Variants in JAKMIP1 observed in about 807,000 individuals in gnomAD.
JAKMIP1 encodes the protein janus kinase and microtubule interacting protein 1, also known as janus kinase and microtubule-interacting protein 1.
JAKMIP1 carries 33 observed loss-of-function variants against 113.0 expected under a neutral mutation model. That is an observed-to-expected ratio of 0.29 (90% CI 0.22 to 0.39). The LOEUF (loss-of-function observed/expected upper bound fraction) is 0.39. Among genes scored for constraint, JAKMIP1 ranks in the 10% least tolerant of loss-of-function variants. The pLI is 1.00. For synonymous variants in JAKMIP1, 480 were observed against 459.9 expected (o/e 1.04, Z -0.56); for missense variants, 813 against 1,080.5 (o/e 0.75, Z 3.47).
At chr4:6,038,440 G>A (rs905495229) in intron 18 of JAKMIP1, among the ~76,000 whole-genome samples, 7 of 141,892 alleles carry the variant, frequency 4.9e-5, no homozygotes, top group South Asian at 2.2e-4. Context: ...CTCCATCACC[G>A]AGGCAGAGGC....
chr4:6,091,413 C>G (rs967736727), intron 3 of JAKMIP1, among the ~76,000 whole-genome samples: 6 of 152,222 alleles, frequency 3.9e-5, no homozygotes, highest in African/African-American at 1.4e-4. Context: ...AACAGAAGAA[C>G]ACATTTTACA....
At position 6,153,103 on chromosome 4, in the gene JAKMIP1, C is replaced by G. The variant is rs1721807876; in HGVS notation, c.-147-40106G>C. ...ATGCACATCCCCCTCCCCTACCTGC[C>G]TGAAGACTACACAGGCAGATTCACA... On this transcript the variant is annotated intron_variant, in intron 1 of 20. Coordinates refer to ENST00000409021, the MANE Select transcript of JAKMIP1 (RefSeq NM_001099433.2). This position sits in a 1 kb window ranked among gnomAD's most constrained non-coding sequence, Gnocchi z 4.9. Among the ~76,000 whole-genome samples the G allele has an allele frequency of 6.6e-6, 1 of 152,174 alleles. No individual in the cohort carries two copies. The highest frequency in any genetic ancestry group is 1.5e-5 in the Non-Finnish European group (1 of 68,032).
At chr4:6,087,693 G>T (rs937930090) in intron 3 of JAKMIP1, among the ~76,000 whole-genome samples, 5 of 152,126 alleles carry the variant, frequency 3.3e-5, no homozygotes, top group African/African-American at 1.2e-4. Context: ...AACAAAAAAC[G>T]TGCCAGAGGT....
intron 1 of JAKMIP1, among the ~76,000 whole-genome samples, chr4:6,146,344 G>A (rs1720844415): frequency 6.6e-6 from 1 of 152,136 alleles, no homozygotes; most frequent in South Asian, 2.1e-4. Flanking sequence ...CCAGGCTAGA[G>A]AGCAGTGGCA....
intron 3 of JAKMIP1, among the ~76,000 whole-genome samples, chr4:6,104,949 A>C (rs943811990): frequency 6.6e-6 from 1 of 152,148 alleles, no homozygotes; most frequent in Non-Finnish European, 1.5e-5. Flanking sequence ...GAATCCACAA[A>C]TGCCCCAAGG....
At position 6,050,596 on chromosome 4, in the gene JAKMIP1, A is replaced by G. The variant is rs1054883052; in HGVS notation, c.1890T>C (p.Cys630=). ...ACGCTACCTTAACTCCTTCCTGGTG[A>G]CAGAACAGCTGGAGAGCGCTGCTGT... ...ENHSSALQLF[C]HQEGVKDVNV... is the part of the protein sequence containing the mutation. Residue 630 remains cysteine, a synonymous_variant, in exon 14 of 21, where the codon TGT becomes TGC. Transcript: ENST00000409021. This position sits in a 1 kb window ranked among gnomAD's most constrained non-coding sequence, Gnocchi z 7.4. 25 of 1,572,492 alleles carry G rather than the reference A, an allele frequency of 1.6e-5. No homozygotes were observed. The Admixed American group carries it at 4.5e-4, about 28-fold the overall frequency.
intron 3 of JAKMIP1, among the ~76,000 whole-genome samples, chr4:6,099,227 C>T (rs1204330079): frequency 6.6e-6 from 1 of 152,216 alleles, no homozygotes; most frequent in Non-Finnish European, 1.5e-5. Context: ...ACTGATATGA[C>T]TCCTTTAATT....
chr4:6,081,887 T>C lies in JAKMIP1; in HGVS notation c.955-132A>G. 1 of 992,076 alleles carries C rather than the reference T, an allele frequency of 1.0e-6. No individual in the cohort carries two copies. The highest frequency in any genetic ancestry group is 1.5e-6 in the Non-Finnish European group (1 of 676,188). 61.5% of individuals were successfully genotyped at this position (992,076 alleles called of 1,614,324 possible). ...GCCAGTGTCCTGGATGACACATTTG[T>C]TTGCTAGTTGCATGACAATGGGCAA... On this transcript the variant is annotated intron_variant, in intron 5 of 20. Coordinates refer to ENST00000409021, the MANE Select transcript of JAKMIP1 (RefSeq NM_001099433.2). The surrounding 1 kb of genome is among the most constrained non-coding windows in gnomAD (Gnocchi z 4.6).
chr4:6,034,099 G>A (rs1298717411), intron 19 of JAKMIP1, among the ~76,000 whole-genome samples: 1 of 103,158 alleles, frequency 9.7e-6, no homozygotes, highest in Non-Finnish European at 1.9e-5. Context: ...TTTTAGTGAG[G>A]CTCATTACAA....
intron 1 of JAKMIP1, among the ~76,000 whole-genome samples, chr4:6,190,874 C>A (rs962740098): frequency 6.6e-6 from 1 of 152,180 alleles, no homozygotes; most frequent in African/African-American, 2.4e-5. Context: ...CCTCCTGGGT[C>A]TGACAGAAAG....
chr4:6,199,254 G>A lies in JAKMIP1; in HGVS notation c.-148+999C>T, dbSNP rs1384198828. Among the ~76,000 whole-genome samples, 1 of 152,258 alleles carries A rather than the reference G, an allele frequency of 6.6e-6. No individual in the cohort carries two copies. Among genetic ancestry groups the A allele is most frequent in the Non-Finnish European group, 1.5e-5 (1 of 68,042 alleles). The stretch of plus-strand genomic sequence containing the variant: ...AGCTCAGAGAGCCGGGCAGAGGCTG[G>A]CGGAGAGCCGAGGCTGGCCCAGCCT... On this transcript the variant is annotated intron_variant, in intron 1 of 20. Coordinates refer to ENST00000409021, the MANE Select transcript of JAKMIP1 (RefSeq NM_001099433.2). The surrounding 1 kb of genome is among the most constrained non-coding windows in gnomAD (Gnocchi z 5.6).
Position 6,139,343 on chromosome 4 carries a change from A to G in JAKMIP1, c.-147-26346T>C, listed in dbSNP as rs570454178. 6.1e-4 allele frequency among the ~76,000 whole-genome samples: 93 copies of G among 152,308 alleles called. 1 individual carries two copies. The highest frequency in any genetic ancestry group is 2.1e-3 in the African/African-American group (88 of 41,528). ...TTTAAATTGTGTCACTCCCAAATTCATACGCTGAGGTCCTAACCCCCAGTA... is the reference window on the plus strand; with the variant it reads ...TTTAAATTGTGTCACTCCCAAATTCGTACGCTGAGGTCCTAACCCCCAGTA... On this transcript the variant is annotated intron_variant, in intron 1 of 20. Coordinates refer to ENST00000409021, the MANE Select transcript of JAKMIP1 (RefSeq NM_001099433.2). This position sits in a 1 kb window ranked among gnomAD's most constrained non-coding sequence, Gnocchi z 5.2.
rs908174660 is a variant in JAKMIP1 at position 6,197,131 on chromosome 4, C to T, written c.-148+3122G>A. Among the ~76,000 whole-genome samples the T allele has an allele frequency of 7.9e-5, 12 of 152,174 alleles. No individual in the cohort carries two copies. The highest frequency in any genetic ancestry group is 1.6e-4 in the Non-Finnish European group (11 of 68,034). ...GCGGGAGGTTAAGTGCTGATATTTC[C>T]TTACGTGGCCCTCATTCCCCTTATC... On this transcript the variant is annotated intron_variant, in intron 1 of 20. Coordinates refer to ENST00000409021, the MANE Select transcript of JAKMIP1 (RefSeq NM_001099433.2). This position sits in a 1 kb window ranked among gnomAD's most constrained non-coding sequence, Gnocchi z 6.5.
intron 1 of JAKMIP1, among the ~76,000 whole-genome samples, chr4:6,122,740 G>A (rs1716885988): frequency 6.6e-6 from 1 of 152,202 alleles, no homozygotes; most frequent in South Asian, 2.1e-4. Flanking sequence ...ATGTGATATG[G>A]AGGTCAGGGA....
At position 6,193,977 on chromosome 4, in the gene JAKMIP1, A is replaced by G. The variant is rs1449233343; in HGVS notation, c.-148+6276T>C. Among the ~76,000 whole-genome samples, 1 of 152,230 alleles carries G rather than the reference A, an allele frequency of 6.6e-6. No homozygotes were observed. The highest frequency in any genetic ancestry group is 1.5e-5 in the Non-Finnish European group (1 of 68,038). On this transcript the variant is annotated intron_variant, in intron 1 of 20. Transcript: ENST00000409021. The surrounding 1 kb of genome is among the most constrained non-coding windows in gnomAD (Gnocchi z 6.4). ...ACTCCGCCATGAAGAAGAAGGAAGC[A>G]ATGACACTTGATGACACTTGCTATA...
At chr4:6,133,795 T>A (rs1718856538) in intron 1 of JAKMIP1, among the ~76,000 whole-genome samples, 1 of 152,014 alleles carries the variant, frequency 6.6e-6, no homozygotes, top group Admixed American at 6.6e-5. Flanking sequence ...GAGGTAGGGG[T>A]CATATGACTA....
Position 6,065,019 on chromosome 4 carries a change from C to A in JAKMIP1, c.1303-11G>T, listed in dbSNP as rs1717864407. On this transcript the variant is annotated splice_polypyrimidine_tract_variant and intron_variant, in intron 8 of 20. Transcript: ENST00000409021. The surrounding 1 kb of genome is among the most constrained non-coding windows in gnomAD (Gnocchi z 5.1). Reference sequence around the variant, plus strand: ...CTCCACAACATGCTTCTGTAAAACGCAATTTGTATGATGTTAGCAACGACT... The same window carrying A: ...CTCCACAACATGCTTCTGTAAAACGAAATTTGTATGATGTTAGCAACGACT... The A allele has an allele frequency of 6.2e-7, 1 of 1,614,138 alleles. No homozygotes were observed. The highest frequency in any genetic ancestry group is 8.5e-7 in the Non-Finnish European group (1 of 1,180,018).
rs1239697005 is a variant in JAKMIP1, at chr4:6,042,372, C to T, written c.2029-145G>A. 4 of 677,818 alleles carry T rather than the reference C, an allele frequency of 5.9e-6. No individual in the cohort carries two copies. The highest frequency in any genetic ancestry group is 1.8e-5 in the African/African-American group (1 of 56,548). 42.0% of individuals were successfully genotyped at this position (677,818 alleles called of 1,614,324 possible). On this transcript the variant is annotated intron_variant, in intron 16 of 20. Coordinates refer to ENST00000409021, the MANE Select transcript of JAKMIP1 (RefSeq NM_001099433.2). The surrounding 1 kb of genome is among the most constrained non-coding windows in gnomAD (Gnocchi z 5.2). ...GGGTCAGGTCATGGCACACACATGC[C>T]TGATCTGTGGATGGCGTGGTTGTGT...
intron 3 of JAKMIP1, among the ~76,000 whole-genome samples, chr4:6,096,417 C>A (rs1397725806): frequency 6.6e-6 from 1 of 152,210 alleles, no homozygotes; most frequent in African/African-American, 2.4e-5. Context: ...TAACCCTCTG[C>A]CACATTGTTT....
Sources: allele counts gnomAD v4.1 joint callset (sites outside exome capture counted in the v4.1 genomes callset), GRCh38; gene constraint gnomAD v4.1.1; non-coding constraint Gnocchi (gnomAD v3.1); transcripts MANE v1.5; gene names NCBI Gene and HGNC (gene_info 2026-07-23, HGNC 2026-07-21).